Variants in MED17 observed in about 807,000 individuals in gnomAD.
The protein encoded by MED17 is mediator complex subunit 17, also known as mediator of RNA polymerase II transcription subunit 17.
Under a neutral mutation model 80.8 loss-of-function variants are expected in MED17, and 49 were observed. The ratio of observed to expected loss-of-function variants is 0.61; its 90% CI spans 0.48 to 0.77. The LOEUF (loss-of-function observed/expected upper bound fraction) is 0.77. MED17 is among the 30% of genes least tolerant of loss of function. The probability of loss-of-function intolerance (pLI) is 0.00; values close to 1 mark genes in which losing one functional copy is unlikely to be tolerated. For synonymous variants in MED17, 281 were observed against 280.4 expected (o/e 1.00, Z -0.02); for missense variants, 718 against 787.0 (o/e 0.91, Z 1.05).
In MED17 at chr11:93,793,961, A is replaced by G. The variant is rs973924934; in HGVS notation, c.785A>G (p.Gln262Arg). The G allele has an allele frequency of 5.6e-6, 9 of 1,613,904 alleles. No homozygotes were observed. Among genetic ancestry groups the G allele is most frequent in the Non-Finnish European group, 7.6e-6 (9 of 1,179,962 alleles). ...EGSAYIKVSIQKQAPDIGDLG... is the reference protein window; with the variant it reads ...EGSAYIKVSIRKQAPDIGDLG... The stretch of plus-strand genomic sequence containing the variant: ...TTTGTTGTCATATAGGTTTCAATAC[A>G]AAAACAGGCTCCAGATATAGGTGAC... Residue 262 changes from glutamine to arginine, a missense_variant, in exon 5 of 12, where the codon CAA becomes CGA. Transcript: ENST00000251871.
chr11:93,787,300 C>T (rs1943780989), intron 1 of MED17, among the ~76,000 whole-genome samples: 1 of 151,928 alleles, frequency 6.6e-6, no homozygotes, highest in African/African-American at 2.4e-5. Context: ...GTAGTCCCAG[C>T]TACTGGGGAG....
chr11:93,790,820 T>C, intron 3 of MED17, 27 bp downstream of exon 3: 1 of 1,599,502 alleles, frequency 6.3e-7, no homozygotes, highest in South Asian at 1.1e-5. Flanking sequence ...AAAACTATAC[T>C]TTCTGGCCAG....
chr11:93,810,170 T>TA (rs958563147), intron 11 of MED17: 19 of 381,402 alleles, frequency 5.0e-5, no homozygotes, highest in Non-Finnish European at 7.4e-5. Context: ...ATAAAAACTT[T>TA]AAAAAAAATA....
At chr11:93,805,868 G>A (rs1042826766) in intron 9 of MED17, among the ~76,000 whole-genome samples, 6 of 152,070 alleles carry the variant, frequency 3.9e-5, no homozygotes, top group African/African-American at 1.4e-4. Context: ...GGAGGCTGAG[G>A]CGGGAGGATC....
At chr11:93,800,934 C>T (rs918362042) in intron 8 of MED17, 1 of 152,066 alleles carries the variant, frequency 6.6e-6, no homozygotes, top group Non-Finnish European at 1.5e-5. Context: ...ACTTCCAGGC[C>T]TTTCTTTCTC....
At chr11:93,793,613 TG>T in intron 3 of MED17, 114 bp from the exon 4 acceptor site, 1 of 781,560 alleles carries the variant, frequency 1.3e-6, no homozygotes, top group South Asian at 1.6e-5. Flanking sequence ...TGTTTTTTAG[TG>T]GGGACTTACT....
chr11:93,812,963 G>A lies in MED17; in HGVS notation c.*899G>A, dbSNP rs972631771. ...GGCTCATGCCCAGCCTTCCACCTGG[G>A]ATTCTCCAGCCTCCACCCAGCAGCC... On this transcript the variant is annotated 3_prime_UTR_variant, in exon 12 of 12. Coordinates refer to ENST00000251871, the MANE Select transcript of MED17 (RefSeq NM_004268.5). 6.6e-6 allele frequency: 1 copy of A among 152,298 alleles called. No homozygotes were observed. The allele number at this position is 152,298 out of a possible 1,614,324, so 9.4% of individuals were successfully genotyped here. A position where few individuals can be genotyped will look rare whatever the true frequency, so the allele number is the denominator to read the frequency against.
At position 93,790,598 on chromosome 11, in the gene MED17, T is replaced by C. The variant is rs764707812; in HGVS notation, c.442T>C (p.Ser148Pro). ...KQNPQTLQLI[S>P]KKKSLAGAAQ... ...GAATCCTCAGACGTTGCAATTGATA[T>C]CTAAAAAGAAGTCACTTGCTGGAGC... The change falls in exon 3 of 12, where the codon TCT becomes CCT. Residue 148 changes from serine (S) to proline (P), a missense_variant. By Grantham distance (74) the Ser-to-Pro change is moderately conservative. Coordinates refer to ENST00000251871, the MANE Select transcript of MED17 (RefSeq NM_004268.5). 5.0e-6 allele frequency: 8 copies of C among 1,614,030 alleles called. No individual in the cohort carries two copies. The highest frequency in any genetic ancestry group is 6.8e-6 in the Non-Finnish European group (8 of 1,180,034).
intron 10 of MED17, chr11:93,808,568 A>G (rs1446986991): frequency 6.7e-6 from 1 of 148,618 alleles, no homozygotes; most frequent in African/African-American, 2.5e-5. Context: ...ATGCTAATGC[A>G]AGATACTATT....
intron 8 of MED17, among the ~76,000 whole-genome samples, chr11:93,800,441 C>CA (rs1364577436): frequency 1.3e-5 from 2 of 152,044 alleles, no homozygotes; most frequent in Admixed American, 1.3e-4. Context: ...CCAGCCTGGC[C>CA]AACATGGCGA....
Position 93,788,068 on chromosome 11 carries a change from G to GA in MED17, c.319dup (p.Thr107AsnfsTer8). The GA allele has an allele frequency of 6.2e-7, 1 of 1,613,764 alleles. No individual in the cohort carries two copies. Among genetic ancestry groups the GA allele is most frequent in the East Asian group, 2.2e-5 (1 of 44,852 alleles). ...TGAGGAACAATTTGAGAAGTGCCCT[G>GA]ACAGAGATGTGTGTTCTCTATGATG... is the stretch of plus-strand genomic sequence containing the variant. On this transcript the variant is annotated frameshift_variant, in exon 2 of 12. Transcript: ENST00000251871. LOFTEE classifies it high-confidence loss of function.
At chr11:93,787,946 C>A in intron 1 of MED17, 55 bp from the exon 2 acceptor site, 1 of 1,421,874 alleles carries the variant, frequency 7.0e-7, no homozygotes, top group Non-Finnish European at 9.9e-7. Flanking sequence ...GAGCTGTCTG[C>A]CATTCAATGT....
At position 93,814,140 on chromosome 11, in the gene MED17, C is replaced by T. The variant is rs962139597; in HGVS notation, c.*2076C>T. 6.6e-6 allele frequency: 1 copy of T among 152,162 alleles called. No homozygotes were observed. Among genetic ancestry groups the T allele is most frequent in the Non-Finnish European group, 1.5e-5 (1 of 68,036 alleles). The allele number at this position is 152,162 out of a possible 1,614,324, so 9.4% of individuals were successfully genotyped here. ...GCTGAGAATACATGTGCAGATACTA[C>T]CGTCTGTTCTTTTAAACCCCATCTG... On this transcript the variant is annotated 3_prime_UTR_variant, in exon 12 of 12. Transcript: ENST00000251871.
chr11:93,802,853 T>C (rs1943977254), intron 9 of MED17, among the ~76,000 whole-genome samples: 1 of 152,238 alleles, frequency 6.6e-6, no homozygotes, highest in South Asian at 2.1e-4. Flanking sequence ...CTACTTGATT[T>C]ACATTCACAA....
chr11:93,792,432 C>T (rs1943846989), intron 3 of MED17, among the ~76,000 whole-genome samples: 1 of 152,190 alleles, frequency 6.6e-6, no homozygotes, highest in African/African-American at 2.4e-5. Flanking sequence ...TTCTTTTCCA[C>T]AAATAATTTG....
At chr11:93,784,996 T>G in intron 1 of MED17, 1 of 617,924 alleles carries the variant, frequency 1.6e-6, no homozygotes, top group Non-Finnish European at 2.8e-6. Flanking sequence ...TTAGAGACAC[T>G]GTCAAACCGT....
chr11:93,787,976 C>CTT, intron 1 of MED17, 25 bp from the exon 2 acceptor site: 1 of 1,605,270 alleles, frequency 6.2e-7, no homozygotes, highest in Non-Finnish European at 8.5e-7. Flanking sequence ...TTCTGTATTT[C>CTT]TTTTTTTTCT....
At chr11:93,807,299 G>T (rs1321979616) in intron 9 of MED17, 6 of 462,956 alleles carry the variant, frequency 1.3e-5, no homozygotes, top group African/African-American at 1.2e-4. Flanking sequence ...TGTAATCCCA[G>T]CTACTTGGGA....
At position 93,796,494 on chromosome 11, in the gene MED17, A is replaced by G. The variant is rs753251220; in HGVS notation, c.1097A>G (p.Asp366Gly). ...KFATEKQCPE[D>G]HLYVLEHNLH... The stretch of plus-strand genomic sequence containing the variant: ...GCTACTGAGAAGCAATGTCCGGAGG[A>G]CCACCTTTATGTCCTAGAGCATAAT... The change falls in exon 7 of 12, where the codon GAC becomes GGC. Residue 366 changes from aspartate (D) to glycine (G), a missense_variant. Transcript: ENST00000251871. 1 of 1,614,024 alleles carries G rather than the reference A, an allele frequency of 6.2e-7. No individual in the cohort carries two copies. The highest frequency in any genetic ancestry group is 2.2e-5 in the East Asian group (1 of 44,866).
Sources: allele counts gnomAD v4.1 joint callset (sites outside exome capture counted in the v4.1 genomes callset), GRCh38; gene constraint gnomAD v4.1.1; transcripts MANE v1.5; gene names NCBI Gene and HGNC (gene_info 2026-07-23, HGNC 2026-07-21).